Variants in PLD2 observed in about 807,000 individuals in gnomAD.
The protein encoded by PLD2 is phospholipase D2.
A neutral mutation model predicts 119.8 loss-of-function variants in PLD2; 101 were observed. That is an observed-to-expected ratio of 0.84 (90% confidence interval 0.72 to 0.99). The LOEUF is 0.99. Among genes scored for constraint, PLD2 ranks in the 50% least tolerant of loss-of-function variants. The pLI is 0.00. For missense variants in PLD2, 1,164 were observed against 1,226.8 expected, an observed-to-expected ratio of 0.95 and a Z score of 0.76; for synonymous variants, 494 against 482.8, an observed-to-expected ratio of 1.02 and a Z score of -0.30.
chr17:4,813,580 C>T (rs1167299557), intron 10 of PLD2, among the ~76,000 whole-genome samples: 2 of 152,148 alleles, frequency 1.3e-5, no homozygotes, highest in Admixed American at 6.5e-5. Flanking sequence ...ATACTGCTGA[C>T]CAGTCGCTTT....
chr17:4,818,202 C>A (rs1907232325), intron 18 of PLD2, 95 bp from the exon 19 acceptor site: 1 of 1,412,560 alleles, frequency 7.1e-7, no homozygotes, highest in Non-Finnish European at 1.0e-6. Flanking sequence ...GCTGGTGGAG[C>A]AGAAGCAGAC....
intron 10 of PLD2, among the ~76,000 whole-genome samples, chr17:4,813,840 CAG>C (rs1906703964): frequency 6.6e-6 from 1 of 152,160 alleles, no homozygotes; most frequent in Non-Finnish European, 1.5e-5. Flanking sequence ...GCCTGGGTGA[CAG>C]AGCGGGACAC....
Position 4,816,623 on chromosome 17 carries a change from CCCA to C in PLD2, c.1462_1464del (p.Thr488del). On this transcript the variant is annotated inframe_deletion, in exon 15 of 25. Coordinates refer to ENST00000263088, the MANE Select transcript of PLD2 (RefSeq NM_002663.5). ...CTTGGGTGTGTTCCCCCTACAGCCT[CCCA>C]CCCCGCGCCCAGACTCACCAGCCAC... 1 of 1,613,928 alleles carries C rather than the reference CCCA, an allele frequency of 6.2e-7. No individual in the cohort carries two copies. Among genetic ancestry groups the C allele is most frequent in the Non-Finnish European group, 8.5e-7 (1 of 1,179,870 alleles).
chr17:4,818,552 G>A lies in PLD2; in HGVS notation c.2068G>A (p.Asp690Asn). ...LLPLLPGFEG[D>N]ISTGGGNSIQ... ...GCCCTTACTCCCTGGCTTCGAGGGTGACATCTCCACGGGCGGTGGCAACTC... is the reference window on the plus strand; with the variant it reads ...GCCCTTACTCCCTGGCTTCGAGGGTAACATCTCCACGGGCGGTGGCAACTC... The change falls in exon 20 of 25, where the codon GAC becomes AAC. Residue 690 changes from aspartate (D) to asparagine (N), a missense_variant. Physicochemically the swap from Asp to Asn is conservative, Grantham distance 23. Transcript: ENST00000263088. 1 of 1,614,036 alleles carries A rather than the reference G, an allele frequency of 6.2e-7. No individual in the cohort carries two copies. The highest frequency in any genetic ancestry group is 8.5e-7 in the Non-Finnish European group (1 of 1,179,994).
Position 4,817,998 on chromosome 17 carries a change from C to T in PLD2, c.1816-4C>T. On this transcript the variant is annotated splice_region_variant and splice_polypyrimidine_tract_variant and intron_variant, in intron 17 of 24. Coordinates refer to ENST00000263088, the MANE Select transcript of PLD2 (RefSeq NM_002663.5). The stretch of plus-strand genomic sequence containing the variant: ...TGAAGCACATCGCATTCACCATTCC[C>T]TAGGTCTTGCGATCAGTGGACCGCT... 4 of 1,598,770 alleles carry T rather than the reference C, an allele frequency of 2.5e-6. No homozygotes were observed. The highest frequency in any genetic ancestry group is 3.4e-6 in the Non-Finnish European group (4 of 1,166,062).
intron 23 of PLD2, among the ~76,000 whole-genome samples, chr17:4,820,721 C>T (rs1597339167): frequency 6.7e-6 from 1 of 149,152 alleles, no homozygotes; most frequent in Non-Finnish European, 1.5e-5. Flanking sequence ...GGACTACAGG[C>T]ACCCGCCACC....
At position 4,808,091 on chromosome 17, in the gene PLD2, G is replaced by A. The variant is rs1410339561; in HGVS notation, c.217G>A (p.Glu73Lys). Residue 73 changes from glutamate (E) to lysine (K), a missense_variant, in exon 3 of 25, where the codon GAA (glutamate) becomes AAA (lysine). Glu to Lys is a moderately conservative substitution (Grantham distance 56, BLOSUM62 1). Coordinates refer to ENST00000263088, the MANE Select transcript of PLD2 (RefSeq NM_002663.5). This position sits in a 1 kb window ranked among gnomAD's most constrained non-coding sequence, Gnocchi z 4.1. ...TGTCACAGCCCAGGTGGTGGGCACC[G>A]AAAGATATACCAGCGGATCCAAGGT... ...VPVTAQVVGTERYTSGSKVGT... is the reference protein window; with the variant it reads ...VPVTAQVVGTKRYTSGSKVGT... The A allele has an allele frequency of 1.2e-6, 2 of 1,611,488 alleles. No homozygotes were observed. Among genetic ancestry groups the A allele is most frequent in the Non-Finnish European group, 1.7e-6 (2 of 1,177,932 alleles).
chr17:4,822,397 C>T (rs1907769834), intron 24 of PLD2, among the ~76,000 whole-genome samples: 1 of 151,352 alleles, frequency 6.6e-6, no homozygotes. Flanking sequence ...GAGGCAGAGG[C>T]AGGAGAATCA....
chr17:4,822,878 C>G lies in PLD2; in HGVS notation c.*14C>G, dbSNP rs752327329. ...GTGTGGACATAGTTGAGGCCCCCGT[C>G]AGGGAGAGGTCACCAGCTGCTGTGC... On this transcript the variant is annotated 3_prime_UTR_variant, in exon 25 of 25. Transcript: ENST00000263088. 4.1e-6 allele frequency: 6 copies of G among 1,451,992 alleles called. No homozygotes were observed. The East Asian group carries it at 1.1e-4, about 28-fold the overall frequency. 89.9% of individuals were successfully genotyped at this position (1,451,992 alleles called of 1,614,324 possible). A position where few individuals can be genotyped will look rare whatever the true frequency, so the allele number is the denominator to read the frequency against.
intron 18 of PLD2, 52 bp downstream of exon 18, chr17:4,818,158 A>G (rs772594274): frequency 1.4e-6 from 2 of 1,443,402 alleles, no homozygotes; most frequent in Admixed American, 3.4e-5. Flanking sequence ...CCCAGGAGAG[A>G]GACCTGGGGA....
At chr17:4,814,801 C>CT (rs2150674287) in intron 12 of PLD2, 90 bp downstream of exon 12, 1 of 1,161,084 alleles carries the variant, frequency 8.6e-7, no homozygotes, top group Admixed American at 1.9e-5. Flanking sequence ...ATTAGGCAGT[C>CT]TGAGGCTTCA....
At chr17:4,809,407 G>C in intron 6 of PLD2, 44 bp downstream of exon 6, 1 of 1,612,906 alleles carries the variant, frequency 6.2e-7, no homozygotes, top group African/African-American at 1.3e-5. Flanking sequence ...AGGATTATCA[G>C]ACCCTCGGGG....
At chr17:4,818,415 T>C (rs1250259235) in intron 19 of PLD2, 30 bp downstream of exon 19, 1 of 1,611,212 alleles carries the variant, frequency 6.2e-7, no homozygotes. Flanking sequence ...AGGTGGGGAC[T>C]GTGGGTGTGG....
chr17:4,822,053 G>A (rs1311834179), intron 24 of PLD2, 146 bp downstream of exon 24: 3 of 608,294 alleles, frequency 4.9e-6, no homozygotes, highest in Non-Finnish European at 8.7e-6. Context: ...AAGAGATTTA[G>A]TGGCCCAGGC....
Position 4,814,730 on chromosome 17 carries a change from C to T in PLD2, c.1173+19C>T. The T allele has an allele frequency of 1.2e-6, 2 of 1,610,732 alleles. No homozygotes were observed. Among genetic ancestry groups the T allele is most frequent in the Non-Finnish European group, 1.7e-6 (2 of 1,177,158 alleles). The stretch of plus-strand genomic sequence containing the variant: ...GAAGGCGGTGAGGAGAGTGGTCAGG[C>T]CGCAGGGGGAGGGGGTTGCCTGTGG... On this transcript the variant is annotated intron_variant, in intron 12 of 24. Transcript: ENST00000263088.
intron 21 of PLD2, 35 bp downstream of exon 21, chr17:4,818,858 C>A: frequency 2.5e-6 from 4 of 1,605,722 alleles, no homozygotes; most frequent in Non-Finnish European, 2.6e-6. Flanking sequence ...AAGCCCTGGG[C>A]CCCTGGGAGA....
chr17:4,809,821 G>A (rs776893935), intron 8 of PLD2, 38 bp downstream of exon 8: 33 of 1,613,916 alleles, frequency 2.0e-5, no homozygotes, highest in Middle Eastern at 1.6e-4. Context: ...AGTGGGTGGG[G>A]GTGAGGAAGA....
At chr17:4,809,648 G>T (rs1442249722) in intron 7 of PLD2, 43 bp from the exon 8 acceptor site, 18 of 1,611,268 alleles carry the variant, frequency 1.1e-5, no homozygotes, top group Non-Finnish European at 1.4e-5. Context: ...TGGGCTGGGG[G>T]TCTGGAGTCC....
In PLD2 at chr17:4,822,856, T is replaced by A. The variant is rs1400664704; in HGVS notation, c.2794T>A (p.Trp932Arg). 8 of 1,587,030 alleles carry A rather than the reference T, an allele frequency of 5.0e-6. No homozygotes were observed. Among genetic ancestry groups the A allele is most frequent in the Non-Finnish European group, 6.9e-6 (8 of 1,156,906 alleles). ...GGAGGGCATGATCCCCCTAGAAGTG[T>A]GGACATAGTTGAGGCCCCCGTCAGG... ...SKEGMIPLEV[W>R]T Residue 932 changes from tryptophan (W) to arginine (R), a missense_variant, in exon 25 of 25, where the codon TGG (tryptophan) becomes AGG (arginine). Coordinates refer to ENST00000263088, the MANE Select transcript of PLD2 (RefSeq NM_002663.5).
Sources: allele counts gnomAD v4.1 joint callset (sites outside exome capture counted in the v4.1 genomes callset), GRCh38; gene constraint gnomAD v4.1.1; non-coding constraint Gnocchi (gnomAD v3.1); transcripts MANE v1.5; gene names NCBI Gene and HGNC (gene_info 2026-07-23, HGNC 2026-07-21).